The following LARGE1 variants were observed in gnomAD, a reference collection of about 807,000 sequenced individuals.
LARGE1 encodes LARGE xylosyl- and glucuronyltransferase 1, also known as xylosyl- and glucuronyltransferase LARGE1.
A neutral mutation model predicts 87.6 loss-of-function variants in LARGE1; 43 were observed. The ratio of observed to expected loss-of-function variants is 0.49; its 90% CI spans 0.38 to 0.63. LARGE1 has a LOEUF of 0.63. LARGE1 is among the 30% of genes least tolerant of loss of function. The pLI, the probability that LARGE1 is intolerant of heterozygous loss-of-function variation, is 0.00. For missense variants in LARGE1, 802 were observed against 1,000.2 expected, an observed-to-expected ratio of 0.80 and a Z score of 2.67; for synonymous variants, 434 against 394.6, an observed-to-expected ratio of 1.10 and a Z score of -1.18.
chr22:33,262,300 C>T (rs118166640), intron 11 of LARGE1, among the ~76,000 whole-genome samples: 1 of 152,314 alleles, frequency 6.6e-6, no homozygotes, highest in Non-Finnish European at 1.5e-5. Flanking sequence ...TGTCCCTTCT[C>T]CTTTGATTTC....
At chr22:33,704,504 T>C (rs2082502428) in intron 2 of LARGE1, among the ~76,000 whole-genome samples, 1 of 152,196 alleles carries the variant, frequency 6.6e-6, no homozygotes, top group South Asian at 2.1e-4. Context: ...TCCATGATCC[T>C]TCTGGGCAGT....
intron 8 of LARGE1, 23 bp from the exon 9 acceptor site, chr22:33,382,067 A>G (rs2065177823): frequency 6.8e-6 from 11 of 1,613,616 alleles, no homozygotes; most frequent in Non-Finnish European, 8.5e-6. Flanking sequence ...AGCCAAAGAC[A>G]CAGTCAAGAC....
At chr22:33,162,553 T>C (rs978965774) in exon 12 of LARGE1, 1 of 152,212 alleles carries the variant, frequency 6.6e-6, no homozygotes, top group Non-Finnish European at 1.5e-5. Flanking sequence ...CTATGACTTT[T>C]CTTTCTCTTT....
At chr22:33,403,946 T>A (rs963721839) in intron 7 of LARGE1, among the ~76,000 whole-genome samples, 4 of 152,164 alleles carry the variant, frequency 2.6e-5, no homozygotes, top group Admixed American at 6.5e-5. Context: ...TGCAAAATAG[T>A]TATGATGATA....
intron 11 of LARGE1, among the ~76,000 whole-genome samples, chr22:33,188,614 T>A (rs1018819473): frequency 1.3e-5 from 2 of 152,096 alleles, no homozygotes; most frequent in Non-Finnish European, 2.9e-5. Flanking sequence ...AACAATGAGG[T>A]TGACTAAAGC....
intron 4 of LARGE1, among the ~76,000 whole-genome samples, chr22:33,625,777 T>C (rs890144549): frequency 2.6e-5 from 4 of 152,196 alleles, no homozygotes; most frequent in Non-Finnish European, 5.9e-5. Flanking sequence ...CCTGTCATAT[T>C]AGATTAGGGC....
At chr22:33,456,195 C>A (rs1164263040) in intron 6 of LARGE1, among the ~76,000 whole-genome samples, 1 of 152,212 alleles carries the variant, frequency 6.6e-6, no homozygotes, top group Non-Finnish European at 1.5e-5. Flanking sequence ...AATATTTCCA[C>A]AGAACAACCC....
At position 33,553,294 on chromosome 22, in the gene LARGE1, C is replaced by T. The variant is rs547452744; in HGVS notation, c.787+11554G>A. ...GCTGAGGCGGGAGGATCGCTTGAGC[C>T]CAGGAATTTGAGACCAGCCTGGGGA... On this transcript the variant is annotated intron_variant, in intron 6 of 14. Transcript: ENST00000397394. Among the ~76,000 whole-genome samples, 9 of 152,056 alleles carry T rather than the reference C, an allele frequency of 5.9e-5. No homozygotes were observed. The East Asian group carries it at 9.7e-4, about 16-fold the overall frequency.
chr22:33,643,879 G>C (rs1047401551), intron 3 of LARGE1, among the ~76,000 whole-genome samples: 1 of 152,100 alleles, frequency 6.6e-6, no homozygotes, highest in African/African-American at 2.4e-5. Context: ...TCGAATCCCT[G>C]AATAGACCAA....
At chr22:33,248,716 C>A (rs111871293) in intron 11 of LARGE1, among the ~76,000 whole-genome samples, 7 of 152,326 alleles carry the variant, frequency 4.6e-5, no homozygotes, top group African/African-American at 1.7e-4. Flanking sequence ...GTGTGGTCAA[C>A]TCCCAACACT....
At chr22:33,691,210 A>C (rs1330269189) in intron 2 of LARGE1, among the ~76,000 whole-genome samples, 1 of 151,846 alleles carries the variant, frequency 6.6e-6, no homozygotes, top group Non-Finnish European at 1.5e-5. Flanking sequence ...CTCTGTTAGC[A>C]GATGTGGAGG....
chr22:33,307,969 T>C (rs927659090), intron 11 of LARGE1, among the ~76,000 whole-genome samples: 2 of 152,106 alleles, frequency 1.3e-5, no homozygotes, highest in Non-Finnish European at 2.9e-5. Flanking sequence ...ATGGAAGAGC[T>C]GACCCTAAAC....
intron 1 of LARGE1, among the ~76,000 whole-genome samples, chr22:33,777,363 C>T (rs972715971): frequency 6.6e-6 from 1 of 152,062 alleles, no homozygotes; most frequent in Non-Finnish European, 1.5e-5. Context: ...AATGGCCAGG[C>T]GTCGTGGCTC....
intron 1 of LARGE1, among the ~76,000 whole-genome samples, chr22:33,763,612 A>G (rs1350367502): frequency 6.6e-6 from 1 of 152,180 alleles, no homozygotes; most frequent in Non-Finnish European, 1.5e-5. Context: ...TGTGGGTTCA[A>G]GCCCAGATGC....
intron 6 of LARGE1, among the ~76,000 whole-genome samples, chr22:33,508,740 T>C (rs1001713686): frequency 2.0e-5 from 3 of 152,182 alleles, no homozygotes; most frequent in African/African-American, 4.8e-5. Flanking sequence ...TGGCAAGCAT[T>C]AAAAACTCAT....
At chr22:33,376,433 G>A (rs2064995373) in intron 9 of LARGE1, among the ~76,000 whole-genome samples, 1 of 152,184 alleles carries the variant, frequency 6.6e-6, no homozygotes, top group South Asian at 2.1e-4. Flanking sequence ...TGAATTTTAA[G>A]AAATAAGTCT....
intron 9 of LARGE1, among the ~76,000 whole-genome samples, chr22:33,356,705 G>C (rs1569089243): frequency 6.6e-6 from 1 of 152,152 alleles, no homozygotes; most frequent in African/African-American, 2.4e-5. Flanking sequence ...AGGAGGCAGA[G>C]GTTGCAGTGA....
At chr22:33,499,354 TCTAA>T (rs2070320754) in intron 6 of LARGE1, among the ~76,000 whole-genome samples, 1 of 152,212 alleles carries the variant, frequency 6.6e-6, no homozygotes, top group South Asian at 2.1e-4. Flanking sequence ...ATGGGCCCTG[TCTAA>T]CTAAGGCAGA....
At chr22:33,440,683 T>C (rs1241627640) in intron 6 of LARGE1, among the ~76,000 whole-genome samples, 4 of 152,234 alleles carry the variant, frequency 2.6e-5, no homozygotes, top group Non-Finnish European at 4.4e-5. Context: ...AAAGAGCTGC[T>C]ACACAGCCCC....
Sources: allele counts gnomAD v4.1 joint callset (sites outside exome capture counted in the v4.1 genomes callset), GRCh38; gene constraint gnomAD v4.1.1; transcripts MANE v1.5; gene names NCBI Gene and HGNC (gene_info 2026-07-23, HGNC 2026-07-21).